HS3ST5: variants seen among roughly 807,000 people sequenced by gnomAD.
The protein encoded by HS3ST5 is heparan sulfate-glucosamine 3-sulfotransferase 5, also known as heparan sulfate glucosamine 3-O-sulfotransferase 5.
In HS3ST5, 10 loss-of-function variants were observed where a neutral mutation model predicts 25.4. The observed-to-expected ratio is 0.39, with a 90% CI of 0.24 to 0.67. The LOEUF (loss-of-function observed/expected upper bound fraction) is 0.67, where lower values mean the gene tolerates loss of function less well. HS3ST5 is among the 30% of genes least tolerant of loss of function. The pLI is 0.44. For missense variants in HS3ST5, 324 were observed against 420.7 expected (o/e 0.77, Z 2.01); for synonymous variants, 170 against 162.4 (o/e 1.05, Z -0.36).
intron 2 of HS3ST5, among the ~76,000 whole-genome samples, chr6:114,181,882 GTA>G (rs1285300593): frequency 8.1e-6 from 1 of 123,512 alleles, no homozygotes; most frequent in Non-Finnish European, 1.9e-5. Flanking sequence ...GTGTATGTGA[GTA>G]TGTGTGTGTG....
chr6:114,081,512 G>T (rs1755050965), intron 3 of HS3ST5, among the ~76,000 whole-genome samples: 1 of 152,214 alleles, frequency 6.6e-6, no homozygotes, highest in South Asian at 2.1e-4. Context: ...ACTTACAGTT[G>T]TTAATAGTCT....
At chr6:114,161,876 AC>A (rs1778990985) in intron 3 of HS3ST5, among the ~76,000 whole-genome samples, 1 of 151,658 alleles carries the variant, frequency 6.6e-6, no homozygotes, top group Admixed American at 6.6e-5. Context: ...AGACACAAAA[AC>A]CCCCAAGTTA....
At chr6:114,235,419 C>A (rs923326894) in intron 1 of HS3ST5, among the ~76,000 whole-genome samples, 1 of 151,574 alleles carries the variant, frequency 6.6e-6, no homozygotes. Context: ...ACATTGTAAC[C>A]CCTAGATGAT....
In HS3ST5 at chr6:114,127,991, A is replaced by G. The variant is rs535702800; in HGVS notation, c.-33+40360T>C. Among the ~76,000 whole-genome samples the G allele has an allele frequency of 2.4e-4, 36 of 151,656 alleles. No individual in the cohort carries two copies. The South Asian group carries it at 7.3e-3, about 31-fold the overall frequency. The stretch of plus-strand genomic sequence containing the variant: ...TGCATATTTATAGCCTGCTTCCTCT[A>G]ATACAACCATACAGCTGCCTGAAAA... On this transcript the variant is annotated intron_variant, in intron 3 of 4. Transcript: ENST00000312719.
intron 2 of HS3ST5, among the ~76,000 whole-genome samples, chr6:114,182,174 A>G (rs1330926232): frequency 6.6e-6 from 1 of 152,156 alleles, no homozygotes; most frequent in Non-Finnish European, 1.5e-5. Flanking sequence ...GTTTCACATA[A>G]TTATTTATGA....
At chr6:114,264,789 A>G (rs1021224002) in intron 1 of HS3ST5, among the ~76,000 whole-genome samples, 3 of 152,204 alleles carry the variant, frequency 2.0e-5, no homozygotes, top group Non-Finnish European at 4.4e-5. Flanking sequence ...CAAAGTAAGG[A>G]GAAGAGTTTC....
intron 2 of HS3ST5, among the ~76,000 whole-genome samples, chr6:114,209,769 A>C (rs1781433649): frequency 6.6e-6 from 1 of 152,198 alleles, no homozygotes; most frequent in Non-Finnish European, 1.5e-5. Flanking sequence ...GGGAAAAAAG[A>C]AATGGGAGAA....
intron 1 of HS3ST5, among the ~76,000 whole-genome samples, chr6:114,243,716 G>A (rs750753547): frequency 2.0e-5 from 3 of 152,122 alleles, no homozygotes; most frequent in Admixed American, 2.0e-4. Context: ...GTGCCTTTTA[G>A]TTTGACCCAA....
chr6:114,236,018 T>G (rs1439599715), intron 1 of HS3ST5, among the ~76,000 whole-genome samples: 3 of 152,208 alleles, frequency 2.0e-5, no homozygotes, highest in Non-Finnish European at 4.4e-5. Context: ...GAGTGCCTCC[T>G]TGAGCCAGAC....
chr6:114,165,403 C>T (rs891707459), intron 3 of HS3ST5, among the ~76,000 whole-genome samples: 5 of 152,140 alleles, frequency 3.3e-5, no homozygotes, highest in Non-Finnish European at 5.9e-5. Flanking sequence ...CATCTTTGGT[C>T]TTTGTTTCAT....
intron 3 of HS3ST5, among the ~76,000 whole-genome samples, chr6:114,121,294 C>T (rs1776772762): frequency 6.6e-6 from 1 of 152,158 alleles, no homozygotes. Context: ...ATATTGCTCA[C>T]TCCACCTAAC....
intron 1 of HS3ST5, among the ~76,000 whole-genome samples, chr6:114,276,611 G>A (rs201519609): frequency 2.1e-5 from 3 of 144,584 alleles, no homozygotes; most frequent in Non-Finnish European, 3.0e-5. Context: ...GAGAGTGTGG[G>A]AAAAAAAAAA....
At chr6:114,183,068 A>T (rs1385047318) in intron 2 of HS3ST5, among the ~76,000 whole-genome samples, 3 of 152,096 alleles carry the variant, frequency 2.0e-5, no homozygotes, top group Non-Finnish European at 2.9e-5. Flanking sequence ...TCAAACTGGG[A>T]TTACATCACT....
At chr6:114,295,804 G>C (rs1774794739) in intron 1 of HS3ST5, among the ~76,000 whole-genome samples, 1 of 152,178 alleles carries the variant, frequency 6.6e-6, no homozygotes. Context: ...CTTTGAGACT[G>C]CCAGACCATA....
intron 1 of HS3ST5, among the ~76,000 whole-genome samples, chr6:114,305,408 G>A (rs1775247977): frequency 6.6e-6 from 1 of 152,092 alleles, no homozygotes; most frequent in Non-Finnish European, 1.5e-5. Flanking sequence ...TTCAGAAAAT[G>A]CATGTGAAAT....
At chr6:114,108,815 C>A (rs1260060278) in intron 3 of HS3ST5, among the ~76,000 whole-genome samples, 1 of 152,070 alleles carries the variant, frequency 6.6e-6, no homozygotes, top group Non-Finnish European at 1.5e-5. Context: ...TCAAATTGTA[C>A]AATTAAAATA....
At chr6:114,306,179 G>GT (rs540390740) in intron 1 of HS3ST5, among the ~76,000 whole-genome samples, 377 of 145,800 alleles carry the variant, frequency 2.6e-3, no homozygotes, top group Middle Eastern at 0.011. Flanking sequence ...TTTCAGTTTA[G>GT]TTTTTTTTCT....
At chr6:114,231,983 A>G (rs759977114) in intron 1 of HS3ST5, among the ~76,000 whole-genome samples, 10 of 152,122 alleles carry the variant, frequency 6.6e-5, no homozygotes, top group African/African-American at 2.4e-4. Flanking sequence ...TACCCTAAAC[A>G]TTTCAGTTAT....
At chr6:114,297,486 T>C (rs1268543751) in intron 1 of HS3ST5, among the ~76,000 whole-genome samples, 1 of 152,174 alleles carries the variant, frequency 6.6e-6, no homozygotes, top group East Asian at 1.9e-4. Flanking sequence ...AAAGCAGGCT[T>C]CATGGGGAAA....
Sources: allele counts gnomAD v4.1 joint callset (sites outside exome capture counted in the v4.1 genomes callset), GRCh38; gene constraint gnomAD v4.1.1; transcripts MANE v1.5; gene names NCBI Gene and HGNC (gene_info 2026-07-23, HGNC 2026-07-21).